Variants in PLAGL1 observed in about 807,000 individuals in gnomAD.
The protein encoded by PLAGL1 is PLAG1 like zinc finger 1.
Under a neutral mutation model 4.6 loss-of-function variants are expected in PLAGL1, and 1 was observed. That is an observed-to-expected ratio of 0.22 (90% confidence interval 0.08 to 1.03). The LOEUF is 1.03. PLAGL1 is among the 50% of genes least tolerant of loss of function. PLAGL1 has a pLI of 0.58. For missense variants in PLAGL1, 464 were observed against 570.4 expected, an observed-to-expected ratio of 0.81 and a Z score of 1.90; for synonymous variants, 240 against 237.8, an observed-to-expected ratio of 1.01 and a Z score of -0.08.
chr6:144,005,242 T>C lies in PLAGL1; in HGVS notation c.-584+2848A>G, dbSNP rs1793913555. 1 of 152,156 alleles carries C rather than the reference T, an allele frequency of 6.6e-6. No homozygotes were observed. The highest frequency in any genetic ancestry group is 2.4e-5 in the African/African-American group (1 of 41,446). 9.4% of individuals were successfully genotyped at this position (152,156 alleles called of 1,614,324 possible). On this transcript the variant is annotated intron_variant, in intron 1 of 7. Transcript: ENST00000674357. The surrounding 1 kb of genome is among the most constrained non-coding windows in gnomAD (Gnocchi z 4.6). ...ACCTTCCACATTGGAACTAGACTAC[T>C]TTCTACAAATCTCTTAGGGGAAGAA...
Position 143,941,414 on chromosome 6 carries a change from T to G in PLAGL1, c.*10A>C. 1 of 1,492,828 alleles carries G rather than the reference T, an allele frequency of 6.7e-7. No homozygotes were observed. The allele number at this position is 1,492,828 out of a possible 1,614,324, so 92.5% of individuals were successfully genotyped here. A position where few individuals can be genotyped will look rare whatever the true frequency, so the allele number is the denominator to read the frequency against. ...CTTCCAGAATACGAAAAATACACTT[T>G]AAAAATCAATTATCTGAATGCATGA... is the stretch of plus-strand genomic sequence containing the variant. On this transcript the variant is annotated 3_prime_UTR_variant, in exon 8 of 8. Coordinates refer to ENST00000674357, the MANE Select transcript of PLAGL1 (RefSeq NM_001317162.2). The surrounding 1 kb of genome is among the most constrained non-coding windows in gnomAD (Gnocchi z 6.0).
rs1791839264 is a variant in PLAGL1, at chr6:143,997,247, T to C, written c.-584+10843A>G. 6.6e-6 allele frequency among the ~76,000 whole-genome samples: 1 copy of C among 152,220 alleles called. No homozygotes were observed. Among genetic ancestry groups the C allele is most frequent in the South Asian group, 2.1e-4 (1 of 4,830 alleles). The stretch of plus-strand genomic sequence containing the variant: ...ATATGCATTCAGTTTTGTAAACTGT[T>C]TGGCTCCCCTATGGCCTAACAATTC... On this transcript the variant is annotated intron_variant, in intron 1 of 7. Coordinates refer to ENST00000674357, the MANE Select transcript of PLAGL1 (RefSeq NM_001317162.2). The surrounding 1 kb of genome is among the most constrained non-coding windows in gnomAD (Gnocchi z 4.6).
rs1041262382 is a variant in PLAGL1 at position 143,954,132 on chromosome 6, G to A, written c.-324-5672C>T. Among the ~76,000 whole-genome samples the A allele has an allele frequency of 6.6e-6, 1 of 152,012 alleles. No homozygotes were observed. Among genetic ancestry groups the A allele is most frequent in the African/African-American group, 2.4e-5 (1 of 41,382 alleles). ...ACAAAGGGGGTTTCCTCCAGGGGTC[G>A]CCACCTTACCCTATACAAGGCCCCA... On this transcript the variant is annotated intron_variant, in intron 6 of 7. Coordinates refer to ENST00000674357, the MANE Select transcript of PLAGL1 (RefSeq NM_001317162.2). The surrounding 1 kb of genome is among the most constrained non-coding windows in gnomAD (Gnocchi z 5.1).
chr6:143,977,656 T>C (rs1337850892), intron 2 of PLAGL1, among the ~76,000 whole-genome samples: 1 of 151,694 alleles, frequency 6.6e-6, no homozygotes, highest in South Asian at 2.1e-4. Context: ...CCCACCATCA[T>C]GCCAGGCTAA....
chr6:143,967,209 A>G (rs952096878), intron 3 of PLAGL1: 15 of 152,244 alleles, frequency 9.9e-5, no homozygotes, highest in African/African-American at 3.1e-4. Flanking sequence ...GGGGATATCT[A>G]TGTATCTTGC....
rs1055881003 is a variant in PLAGL1 at position 143,950,936 on chromosome 6, G to A, written c.-324-2476C>T. On this transcript the variant is annotated intron_variant, in intron 6 of 7. Transcript: ENST00000674357. This position sits in a 1 kb window ranked among gnomAD's most constrained non-coding sequence, Gnocchi z 6.3. ...AGTGCCAGTGGCTGCTGTCCTGGAC[G>A]GCACAGGCAGACTCTTGGTATTCCC... 1.1e-4 allele frequency among the ~76,000 whole-genome samples: 16 copies of A among 152,240 alleles called. No individual in the cohort carries two copies. Among genetic ancestry groups the A allele is most frequent in the Middle Eastern group, 3.4e-3 (1 of 294 alleles).
intron 1 of PLAGL1, among the ~76,000 whole-genome samples, chr6:143,988,184 C>T (rs1464622678): frequency 6.6e-6 from 1 of 152,192 alleles, no homozygotes; most frequent in African/African-American, 2.4e-5. Context: ...TACGGTATGA[C>T]CTGTATGGTT....
In PLAGL1 at chr6:143,970,559, C is replaced by A. The variant is rs548460043; in HGVS notation, c.-543-1581G>T. 2.0e-5 allele frequency among the ~76,000 whole-genome samples: 3 copies of A among 151,978 alleles called. No individual in the cohort carries two copies. Among genetic ancestry groups the A allele is most frequent in the Non-Finnish European group, 2.9e-5 (2 of 68,012 alleles). On this transcript the variant is annotated intron_variant, in intron 2 of 7. Coordinates refer to ENST00000674357, the MANE Select transcript of PLAGL1 (RefSeq NM_001317162.2). This position sits in a 1 kb window ranked among gnomAD's most constrained non-coding sequence, Gnocchi z 5.8. ...GGTAAGGAGGATGTCTTGTTTTCAA[C>A]GGCTAGATAAACGTTTATTAGGGCT...
rs199876906 is a variant in PLAGL1, at chr6:143,951,772, C to T, written c.-324-3312G>A. Among the ~76,000 whole-genome samples, 4 of 152,180 alleles carry T rather than the reference C, an allele frequency of 2.6e-5. No individual in the cohort carries two copies. In the East Asian group the frequency reaches 7.7e-4, roughly 29 times the overall value. On this transcript the variant is annotated intron_variant, in intron 6 of 7. Transcript: ENST00000674357. ...TCAAAGACTAAAACACAAAGTCTCT[C>T]GTTTTTATGCTTATTTCATGAATAT...
rs1778502246 is a variant in PLAGL1, at chr6:143,941,215, T to C, written c.*209A>G. On this transcript the variant is annotated 3_prime_UTR_variant, in exon 8 of 8. Transcript: ENST00000674357. The surrounding 1 kb of genome is among the most constrained non-coding windows in gnomAD (Gnocchi z 6.0). ...TTGCAGTTTGATTACAGAACACGCGTTCATTAAATTTGGTACAAAGCATGA... is the reference window on the plus strand; with the variant it reads ...TTGCAGTTTGATTACAGAACACGCGCTCATTAAATTTGGTACAAAGCATGA... 5 of 418,280 alleles carry C rather than the reference T, an allele frequency of 1.2e-5. No homozygotes were observed. The South Asian group carries it at 4.4e-4, about 37-fold the overall frequency. 25.9% of individuals were successfully genotyped at this position (418,280 alleles called of 1,614,324 possible).
chr6:144,021,828 T>A (rs1366909598), intron 1 of PLAGL1, among the ~76,000 whole-genome samples: 1 of 152,192 alleles, frequency 6.6e-6, no homozygotes, highest in Non-Finnish European at 1.5e-5. Flanking sequence ...GAGATCTAAC[T>A]ATACATTGGT....
In PLAGL1 at chr6:144,048,858, C is replaced by A. The variant is rs78746624; in HGVS notation, c.-151+15610G>T. ...TTCCTCCTTAAGAAAATAGGTTTTT[C>A]TTTTCTACTACAAGGTCGGGATGCA... On this transcript the variant is annotated intron_variant, in intron 1 of 3. Coordinates refer to the PLAGL1 transcript ENST00000437412. This position sits in a 1 kb window ranked among gnomAD's most constrained non-coding sequence, Gnocchi z 4.8. Among the ~76,000 whole-genome samples the A allele has an allele frequency of 0.031, 4,745 of 152,274 alleles. 246 individuals are homozygous for A. The highest frequency in any genetic ancestry group is 0.11 in the African/African-American group (4,431 of 41,544).
At position 143,949,896 on chromosome 6, in the gene PLAGL1, G is replaced by A. The variant is rs1780660583; in HGVS notation, c.-324-1436C>T. Among the ~76,000 whole-genome samples the A allele has an allele frequency of 6.6e-6, 1 of 152,120 alleles. No individual in the cohort carries two copies. Among genetic ancestry groups the A allele is most frequent in the Non-Finnish European group, 1.5e-5 (1 of 68,026 alleles). On this transcript the variant is annotated intron_variant, in intron 6 of 7. Transcript: ENST00000674357. The surrounding 1 kb of genome is among the most constrained non-coding windows in gnomAD (Gnocchi z 5.3). ...GTTACTTTCAGATCAGAAAGTATGA[G>A]TCTAACTAGATGAAACTTTATTGTA...
At chr6:144,009,504 T>C (rs955286274), upstream of PLAGL1, among the ~76,000 whole-genome samples, 1 of 152,202 alleles carries the variant, frequency 6.6e-6, no homozygotes. Flanking sequence ...CAGAACAAGA[T>C]GGCAATTGCT....
In PLAGL1 at chr6:143,946,994, C is replaced by T. The variant is rs183547421; in HGVS notation, c.152+991G>A. Among the ~76,000 whole-genome samples, 32 of 152,262 alleles carry T rather than the reference C, an allele frequency of 2.1e-4. 1 individual carries two copies. The highest frequency in any genetic ancestry group is 3.3e-4 in the Admixed American group (5 of 15,288). On this transcript the variant is annotated intron_variant, in intron 7 of 7. Transcript: ENST00000674357. ...CTGTGATATTAAAAAGATCCACTGG[C>T]GGCAGAAACGATATCTAATGTATTC...
At position 143,945,846 on chromosome 6, in the gene PLAGL1, C is replaced by T. The variant is rs181296509; in HGVS notation, c.152+2139G>A. Among the ~76,000 whole-genome samples the T allele has an allele frequency of 4.8e-4, 73 of 152,202 alleles. No homozygotes were observed. The highest frequency in any genetic ancestry group is 1.0e-3 in the Admixed American group (16 of 15,290). The stretch of plus-strand genomic sequence containing the variant: ...ATATCACTGCTTCAGGCAAGAGAGG[C>T]GAGAGGCAAGAAATGCTGGGGGCTG... On this transcript the variant is annotated intron_variant, in intron 7 of 7. Coordinates refer to ENST00000674357, the MANE Select transcript of PLAGL1 (RefSeq NM_001317162.2). This position sits in a 1 kb window ranked among gnomAD's most constrained non-coding sequence, Gnocchi z 4.2.
chr6:143,991,489 G>A lies in PLAGL1; in HGVS notation c.-583-6315C>T, dbSNP rs184275432. 4.1e-4 allele frequency among the ~76,000 whole-genome samples: 62 copies of A among 152,228 alleles called. No individual in the cohort carries two copies. The East Asian group carries it at 6.2e-3, about 15-fold the overall frequency. ...AGCCAAATTGGTGAGCATGAGGTGC[G>A]GAACAGAGTTATGTGCTTATCCCAT... On this transcript the variant is annotated intron_variant, in intron 1 of 7. Transcript: ENST00000674357.
chr6:143,969,276 A>G (rs1255522242), intron 2 of PLAGL1, among the ~76,000 whole-genome samples: 1 of 152,102 alleles, frequency 6.6e-6, no homozygotes, highest in African/African-American at 2.4e-5. Context: ...GGAGCCACTT[A>G]GAGACCTCAT....
Position 143,941,616 on chromosome 6 carries a change from A to G in PLAGL1, c.1200T>C (p.Asn400=), listed in dbSNP as rs1263299089. ...CCCCAGGCCCCAGGGCAAGAGTGCT[A>G]TTCCCAAAGGTATTTTGGGTAGCAG... ...PPPATQNTFG[N]STLALGPGES... Residue 400 remains asparagine, a synonymous_variant, in exon 8 of 8, where the codon AAT becomes AAC. Coordinates refer to ENST00000674357, the MANE Select transcript of PLAGL1 (RefSeq NM_001317162.2). The surrounding 1 kb of genome is among the most constrained non-coding windows in gnomAD (Gnocchi z 6.0). 9 of 1,614,086 alleles carry G rather than the reference A, an allele frequency of 5.6e-6. No individual in the cohort carries two copies. Among genetic ancestry groups the G allele is most frequent in the Non-Finnish European group, 7.6e-6 (9 of 1,179,940 alleles).
Sources: gnomAD v4.1 joint callset for allele counts (sites outside exome capture counted in the v4.1 genomes callset) on GRCh38, gnomAD v4.1.1 for gene constraint, Gnocchi (gnomAD v3.1) non-coding constraint, MANE v1.5 for transcripts, NCBI Gene and HGNC (gene_info 2026-07-23, HGNC 2026-07-21) for gene names.